The following PPP2R5C variants were observed in gnomAD, a reference collection of about 807,000 sequenced individuals.
PPP2R5C encodes serine/threonine-protein phosphatase 2A 56 kDa regulatory subunit gamma isoform.
A neutral mutation model predicts 68.9 loss-of-function variants in PPP2R5C; 7 were observed. The ratio of observed to expected loss-of-function variants is 0.10; its 90% CI spans 0.06 to 0.19. The LOEUF (loss-of-function observed/expected upper bound fraction) is 0.19, where lower values mean the gene tolerates loss of function less well. Ranked by LOEUF, PPP2R5C falls within the 10% of genes least tolerant of loss-of-function variation. PPP2R5C has a pLI of 1.00. For synonymous variants in PPP2R5C, 210 were observed against 222.2 expected, an observed-to-expected ratio of 0.95 and a Z score of 0.49; for missense variants, 348 against 641.3, an observed-to-expected ratio of 0.54 and a Z score of 4.94.
chr14:101,795,306 G>A (rs188707807), intron 3 of PPP2R5C, among the ~76,000 whole-genome samples: 1 of 152,268 alleles, frequency 6.6e-6, no homozygotes, highest in East Asian at 1.9e-4. Flanking sequence ...TATGTGAGAT[G>A]CCTGTCCATC....
At chr14:101,762,765 A>G (rs923643391) in intron 1 of PPP2R5C, 140 bp from the exon 2 acceptor site, 4 of 718,950 alleles carry the variant, frequency 5.6e-6, no homozygotes, top group Non-Finnish European at 9.4e-6. Context: ...ACGGTATGAT[A>G]TAGAATTTCC....
intron 2 of PPP2R5C, among the ~76,000 whole-genome samples, chr14:101,778,920 TGTG>T (rs1355903570): frequency 6.6e-6 from 1 of 152,028 alleles, no homozygotes; most frequent in African/African-American, 2.4e-5. Flanking sequence ...ATTAGCCAGA[TGTG>T]GTGGTGAGTG....
intron 2 of PPP2R5C, among the ~76,000 whole-genome samples, chr14:101,873,643 C>T (rs756053730): frequency 1.3e-5 from 2 of 152,188 alleles, no homozygotes; most frequent in Non-Finnish European, 2.9e-5. Flanking sequence ...AGTTTTCTCA[C>T]ACAAATATGC....
At chr14:101,838,158 C>G (rs950195254) in intron 1 of PPP2R5C, among the ~76,000 whole-genome samples, 2 of 152,042 alleles carry the variant, frequency 1.3e-5, no homozygotes, top group Non-Finnish European at 2.9e-5. Context: ...AATGAATCAA[C>G]TAAGAAAAAG....
chr14:101,856,623 G>A, intron 1 of PPP2R5C, 63 bp from the exon 4 acceptor site: 3 of 1,412,080 alleles, frequency 2.1e-6, no homozygotes, highest in Non-Finnish European at 3.0e-6. Flanking sequence ...GCTTAAATGT[G>A]TTTCACAATA....
At chr14:101,798,909 G>T (rs1348310659) in intron 3 of PPP2R5C, among the ~76,000 whole-genome samples, 1 of 152,208 alleles carries the variant, frequency 6.6e-6, no homozygotes, top group Non-Finnish European at 1.5e-5. Context: ...CCTGGAATGG[G>T]GTCTGTGTTC....
chr14:101,780,013 CA>C (rs921802856), intron 2 of PPP2R5C, among the ~76,000 whole-genome samples: 2 of 152,200 alleles, frequency 1.3e-5, no homozygotes, highest in African/African-American at 4.8e-5. Flanking sequence ...TCATCCACTG[CA>C]ACCCATCTTG....
chr14:101,926,523 T>C (rs1224457629), exon 14 of PPP2R5C: 1 of 152,682 alleles, frequency 6.5e-6, no homozygotes, highest in African/African-American at 2.4e-5. Context: ...CTTTGTCTAT[T>C]CTTTATTTCT....
At chr14:101,765,047 A>G in intron 2 of PPP2R5C, 1 of 641,826 alleles carries the variant, frequency 1.6e-6, no homozygotes. Context: ...AATCACTACT[A>G]TGTGAAATGT....
At chr14:101,763,054 A>C (rs907929658) in intron 2 of PPP2R5C, 84 bp downstream of exon 2, 2 of 1,206,934 alleles carry the variant, frequency 1.7e-6, no homozygotes, top group South Asian at 1.4e-5. Context: ...AAAGCCTAGA[A>C]TCTTCTAAAA....
At chr14:101,801,744 G>A (rs2038870020) in intron 3 of PPP2R5C, among the ~76,000 whole-genome samples, 1 of 152,232 alleles carries the variant, frequency 6.6e-6, no homozygotes, top group Admixed American at 6.5e-5. Flanking sequence ...ACTTAATGTT[G>A]TTAAGATGTC....
Position 101,781,235 on chromosome 14 carries a change from GC to G in PPP2R5C, c.94-4780del, listed in dbSNP as rs1278755795. ...ACCAGCGGTGTTGGTGGTGTCTGGT[GC>G]CCAGGAGGAGGGCTTGTTTACAGCT... On this transcript the variant is annotated intron_variant, in intron 2 of 14. Coordinates refer to the PPP2R5C transcript ENST00000328724. This position sits in a 1 kb window ranked among gnomAD's most constrained non-coding sequence, Gnocchi z 6.4. Among the ~76,000 whole-genome samples the G allele has an allele frequency of 2.6e-5, 4 of 152,210 alleles. No homozygotes were observed. Among genetic ancestry groups the G allele is most frequent in the Non-Finnish European group, 5.9e-5 (4 of 68,030 alleles).
At chr14:101,878,576 G>C (rs914854673) in intron 2 of PPP2R5C, among the ~76,000 whole-genome samples, 1 of 152,230 alleles carries the variant, frequency 6.6e-6, no homozygotes, top group South Asian at 2.1e-4. Context: ...GAGAGACAGA[G>C]ATTGAGATCT....
chr14:101,786,070 C>T, exon 3 of PPP2R5C: 1 of 1,554,746 alleles, frequency 6.4e-7, no homozygotes, highest in South Asian at 1.2e-5. Flanking sequence ...ACAGTATCTG[C>T]TAAAATAAAA....
chr14:101,881,330 G>A (rs772902792), intron 2 of PPP2R5C, among the ~76,000 whole-genome samples: 2 of 152,128 alleles, frequency 1.3e-5, no homozygotes, highest in African/African-American at 2.4e-5. Flanking sequence ...AACCCGGGAG[G>A]CAGAGGTTGT....
At chr14:101,876,731 G>A (rs2043805413) in intron 2 of PPP2R5C, among the ~76,000 whole-genome samples, 1 of 152,160 alleles carries the variant, frequency 6.6e-6, no homozygotes, top group Admixed American at 6.5e-5. Context: ...GGCACAGATG[G>A]GGCCGTGTGA....
chr14:101,761,724 G>A, upstream of PPP2R5C: 4 of 950,272 alleles, frequency 4.2e-6, no homozygotes, highest in Non-Finnish European at 3.7e-6. Context: ...CGTGGCTGCC[G>A]CAGCCTCTGG....
rs1248113941 is a variant in PPP2R5C at position 101,797,286 on chromosome 14, CG to C, written c.259+11105del. ...ATGCCATCCTTCAGTGATGTGTGGACGGACACATTCCGCGTATCCCCCAATC... is the reference window on the plus strand; with the variant it reads ...ATGCCATCCTTCAGTGATGTGTGGACGACACATTCCGCGTATCCCCCAATC... On this transcript the variant is annotated intron_variant, in intron 3 of 14. Coordinates refer to the PPP2R5C transcript ENST00000328724. This position sits in a 1 kb window ranked among gnomAD's most constrained non-coding sequence, Gnocchi z 4.2. The C allele has an allele frequency of 2.2e-6, 1 of 455,964 alleles. No homozygotes were observed. Among genetic ancestry groups the C allele is most frequent in the Admixed American group, 2.3e-5 (1 of 42,558 alleles). 28.2% of individuals were successfully genotyped at this position (455,964 alleles called of 1,614,324 possible).
In PPP2R5C at chr14:101,888,308, C is replaced by T. The variant is rs2044651214; in HGVS notation, c.630-1929C>T. Among the ~76,000 whole-genome samples the T allele has an allele frequency of 6.6e-6, 1 of 152,010 alleles. No homozygotes were observed. The highest frequency in any genetic ancestry group is 2.4e-5 in the African/African-American group (1 of 41,390). ...GAGTTTCGTAAATTAAAGCACCTCT[C>T]GGTGTAGACACACACAGACTGACTT... On this transcript the variant is annotated intron_variant, in intron 5 of 13. Transcript: ENST00000334743. This position sits in a 1 kb window ranked among gnomAD's most constrained non-coding sequence, Gnocchi z 5.6.
Sources: gnomAD v4.1 joint callset for allele counts (sites outside exome capture counted in the v4.1 genomes callset) on GRCh38, gnomAD v4.1.1 for gene constraint, Gnocchi (gnomAD v3.1) non-coding constraint, MANE v1.5 for transcripts, NCBI Gene and HGNC (gene_info 2026-07-23, HGNC 2026-07-21) for gene names.